KIAA1217: variants seen among roughly 807,000 people sequenced by gnomAD.
KIAA1217 encodes the protein sickle tail protein homolog.
Under a neutral mutation model 163.9 loss-of-function variants are expected in KIAA1217, and 88 were observed. That is an observed-to-expected ratio of 0.54 (90% CI 0.45 to 0.64). The LOEUF (loss-of-function observed/expected upper bound fraction) is 0.64. Ranked by LOEUF, KIAA1217 falls within the 30% of genes least tolerant of loss-of-function variation. The pLI is 0.00. For synonymous variants in KIAA1217, 903 were observed against 923.1 expected (o/e 0.98, Z 0.39); for missense variants, 2,372 against 2,475.0 (o/e 0.96, Z 0.88).
At chr10:23,918,281 C>T (rs994475148) in intron 1 of KIAA1217, among the ~76,000 whole-genome samples, 13 of 151,816 alleles carry the variant, frequency 8.6e-5, no homozygotes, top group East Asian at 1.9e-4. Context: ...AGGCATGAGC[C>T]GCTGTGCCCT....
chr10:24,158,219 G>A (rs1461954003), intron 2 of KIAA1217: 1 of 733,762 alleles, frequency 1.4e-6, no homozygotes, highest in Non-Finnish European at 2.6e-6. Flanking sequence ...TCTACTCCTG[G>A]AACAGGGCAA....
intron 2 of KIAA1217, chr10:24,367,210 T>C (rs1488117419): frequency 1.0e-6 from 1 of 966,848 alleles, no homozygotes; most frequent in African/African-American, 1.8e-5. Flanking sequence ...GTTAGTACTC[T>C]ACCTGTTCTT....
chr10:24,533,007 G>C, intron 15 of KIAA1217, 63 bp from the exon 16 acceptor site: 1 of 1,485,286 alleles, frequency 6.7e-7, no homozygotes, highest in Non-Finnish European at 9.2e-7. Flanking sequence ...CATACGATCT[G>C]TCCCTTTTTT....
chr10:24,203,669 G>T (rs1047379218), intron 2 of KIAA1217, among the ~76,000 whole-genome samples: 3 of 152,074 alleles, frequency 2.0e-5, no homozygotes, highest in Non-Finnish European at 2.9e-5. Flanking sequence ...CTATTGAAAG[G>T]GTTGATAATG....
intron 4 of KIAA1217, among the ~76,000 whole-genome samples, chr10:24,437,528 T>C (rs2060142772): frequency 6.6e-6 from 1 of 152,120 alleles, no homozygotes; most frequent in Non-Finnish European, 1.5e-5. Context: ...CCAGCCGGCA[T>C]TGGAAGGGAT....
chr10:24,056,755 G>T (rs1030639632), intron 2 of KIAA1217, among the ~76,000 whole-genome samples: 3 of 152,060 alleles, frequency 2.0e-5, no homozygotes, highest in African/African-American at 4.8e-5. Context: ...AAAGAACCCC[G>T]CTGAATCTGA....
At position 24,005,299 on chromosome 10, in the gene KIAA1217, T is replaced by C. The variant is rs150125796; in HGVS notation, c.-320-1926T>C. ...AATGTAAGCTAGTTATTGTCTATAT[T>C]ATTTTATATACATTTTTCAATTACC... On this transcript the variant is annotated intron_variant, in intron 1 of 18. Coordinates refer to the KIAA1217 transcript ENST00000376462. Among the ~76,000 whole-genome samples, 40 of 152,342 alleles carry C rather than the reference T, an allele frequency of 2.6e-4. 1 individual carries two copies. Among genetic ancestry groups the C allele is most frequent in the African/African-American group, 8.9e-4 (37 of 41,578 alleles).
chr10:24,411,178 T>C (rs192937832), intron 3 of KIAA1217, among the ~76,000 whole-genome samples: 184 of 152,346 alleles, frequency 1.2e-3, no homozygotes, highest in African/African-American at 3.9e-3. Flanking sequence ...GCAATTGCTC[T>C]TCACTTGATC....
At chr10:24,164,781 G>T (rs149241343) in intron 2 of KIAA1217, among the ~76,000 whole-genome samples, 212 of 152,294 alleles carry the variant, frequency 1.4e-3, no homozygotes, top group African/African-American at 4.7e-3. Context: ...AGGGATTCTA[G>T]GTGGAAAGGC....
chr10:23,790,120 CAT>C (rs1294944320), intron 1 of KIAA1217, among the ~76,000 whole-genome samples: 3 of 84,986 alleles, frequency 3.5e-5, no homozygotes, highest in East Asian at 6.4e-4. Context: ...TGCATATACA[CAT>C]ATACACATAT....
At chr10:24,010,722 C>A (rs370408122) in intron 2 of KIAA1217, among the ~76,000 whole-genome samples, 1 of 151,612 alleles carries the variant, frequency 6.6e-6, no homozygotes, top group African/African-American at 2.4e-5. Context: ...ACTTTAAAAC[C>A]AGTGGAGTTA....
chr10:23,941,395 A>G (rs911920356), intron 1 of KIAA1217, among the ~76,000 whole-genome samples: 41 of 152,336 alleles, frequency 2.7e-4, no homozygotes, highest in Admixed American at 1.9e-3. Flanking sequence ...CAAAGTTACT[A>G]CAGAGTGACC....
chr10:24,020,398 T>C (rs951804708), intron 2 of KIAA1217, among the ~76,000 whole-genome samples: 2 of 151,928 alleles, frequency 1.3e-5, no homozygotes, highest in Non-Finnish European at 2.9e-5. Flanking sequence ...AATGAATGAG[T>C]AAAATCTGCT....
At chr10:24,105,979 G>A (rs1213612540) in intron 2 of KIAA1217, among the ~76,000 whole-genome samples, 2 of 152,174 alleles carry the variant, frequency 1.3e-5, no homozygotes, top group Non-Finnish European at 2.9e-5. Context: ...TAAAAGAAGA[G>A]TAGAAGTTAT....
intron 1 of KIAA1217, among the ~76,000 whole-genome samples, chr10:23,775,719 A>T (rs1049245811): frequency 1.3e-5 from 2 of 152,222 alleles, no homozygotes; most frequent in African/African-American, 4.8e-5. Context: ...TCATACTAGT[A>T]TTTCACATAA....
chr10:23,832,525 G>A (rs1377061313), intron 1 of KIAA1217, among the ~76,000 whole-genome samples: 3 of 152,126 alleles, frequency 2.0e-5, no homozygotes, highest in African/African-American at 4.8e-5. Flanking sequence ...CGCAGGAGTA[G>A]GGCTGAAAGT....
chr10:23,909,856 G>C (rs752542113), intron 1 of KIAA1217, among the ~76,000 whole-genome samples: 4 of 152,136 alleles, frequency 2.6e-5, no homozygotes, highest in Admixed American at 6.5e-5. Flanking sequence ...CCAGATCCTT[G>C]AGGAATCCCC....
At chr10:23,934,628 T>A (rs1257713468) in intron 1 of KIAA1217, among the ~76,000 whole-genome samples, 1 of 109,134 alleles carries the variant, frequency 9.2e-6, no homozygotes, top group South Asian at 2.6e-4. Flanking sequence ...TATATATATT[T>A]TTTTTTTGAG....
chr10:24,138,065 G>GAA (rs2063902083), intron 2 of KIAA1217, among the ~76,000 whole-genome samples: 1 of 152,178 alleles, frequency 6.6e-6, no homozygotes, highest in African/African-American at 2.4e-5. Flanking sequence ...ACGTATAGTA[G>GAA]CATAAGGTTC....
Sources: gnomAD v4.1 joint callset for allele counts (sites outside exome capture counted in the v4.1 genomes callset) on GRCh38, gnomAD v4.1.1 for gene constraint, MANE v1.5 for transcripts, NCBI Gene and HGNC (gene_info 2026-07-23, HGNC 2026-07-21) for gene names.